The following LRMDA variants were observed in gnomAD, a reference collection of about 807,000 sequenced individuals.
The protein encoded by LRMDA is leucine-rich melanocyte differentiation-associated protein.
In LRMDA, 18 loss-of-function variants were observed where a neutral mutation model predicts 29.8. The observed-to-expected ratio is 0.60, with a 90% CI of 0.42 to 0.90. LRMDA has a LOEUF of 0.90. Among genes scored for constraint, LRMDA ranks in the 40% least tolerant of loss-of-function variants. The probability of loss-of-function intolerance (pLI) is 0.00; values close to 1 mark genes in which losing one functional copy is unlikely to be tolerated. For synonymous variants in LRMDA, 125 were observed against 109.4 expected (o/e 1.14, Z -0.89); for missense variants, 273 against 273.9 (o/e 1.00, Z 0.02).
chr10:75,807,382 C>A (rs1236358862), intron 2 of LRMDA, among the ~76,000 whole-genome samples: 1 of 152,202 alleles, frequency 6.6e-6, no homozygotes, highest in Non-Finnish European at 1.5e-5. Flanking sequence ...AGCGATGGGG[C>A]AGGATGGCTC....
chr10:75,673,819 T>A (rs1207002586), intron 2 of LRMDA, among the ~76,000 whole-genome samples: 2 of 152,218 alleles, frequency 1.3e-5, no homozygotes, highest in East Asian at 3.9e-4. Flanking sequence ...AGCCCTTCTT[T>A]ATAACTTCCC....
intron 6 of LRMDA, among the ~76,000 whole-genome samples, chr10:76,439,124 A>C (rs2132289902): frequency 6.6e-6 from 1 of 152,338 alleles, no homozygotes; most frequent in East Asian, 1.9e-4. Context: ...TATTTTACCT[A>C]AATTAAATTT....
intron 6 of LRMDA, among the ~76,000 whole-genome samples, chr10:76,448,235 CT>C (rs1564544477): frequency 6.6e-6 from 1 of 152,074 alleles, no homozygotes; most frequent in African/African-American, 2.4e-5. Flanking sequence ...ATATCCTTCT[CT>C]TTTATACCAG....
At chr10:75,616,234 T>TAGCAGCAGCAGC (rs1006575002) in intron 2 of LRMDA, among the ~76,000 whole-genome samples, 38 of 146,712 alleles carry the variant, frequency 2.6e-4, no homozygotes, top group African/African-American at 9.3e-4. Context: ...ACAGTAATAG[T>TAGCAGCAGCAGC]AGCAGTAGCA....
At chr10:75,759,569 T>A (rs911467756) in intron 2 of LRMDA, among the ~76,000 whole-genome samples, 1 of 152,204 alleles carries the variant, frequency 6.6e-6, no homozygotes. Flanking sequence ...TCTTGTAGGC[T>A]AAGAAGCCCA....
At chr10:75,646,841 A>AGT (rs1425697751) in intron 2 of LRMDA, among the ~76,000 whole-genome samples, 26 of 152,224 alleles carry the variant, frequency 1.7e-4, no homozygotes, top group Non-Finnish European at 3.5e-4. Flanking sequence ...TAACGAAGTA[A>AGT]TATACTGTTA....
chr10:75,586,366 TTTTA>T (rs1840655814), intron 2 of LRMDA, among the ~76,000 whole-genome samples: 1 of 140,906 alleles, frequency 7.1e-6, no homozygotes, highest in Non-Finnish European at 1.5e-5. Flanking sequence ...TTTTTTTTTT[TTTTA>T]AATTAGAGAC....
intron 6 of LRMDA, among the ~76,000 whole-genome samples, chr10:76,477,698 G>C (rs4746400): frequency 6.6e-6 from 1 of 151,842 alleles, no homozygotes; most frequent in Non-Finnish European, 1.5e-5. Flanking sequence ...TGGTACCAAA[G>C]CAGAGATATA....
chr10:75,812,396 A>G (rs912836980), intron 2 of LRMDA, among the ~76,000 whole-genome samples: 1 of 152,140 alleles, frequency 6.6e-6, no homozygotes, highest in African/African-American at 2.4e-5. Context: ...AGGGTGGTAC[A>G]TATTTACGAT....
In LRMDA at chr10:75,839,816, C is replaced by T. The variant is rs531502138; in HGVS notation, c.132-196192C>T. On this transcript the variant is annotated intron_variant, in intron 2 of 6. Transcript: ENST00000611255. ...CTCTTCCTCCCAGGTTCGCGCCATT[C>T]TTCTGCCTCAGCCTCCCGAGTAGCT... 9.6e-5 allele frequency among the ~76,000 whole-genome samples: 14 copies of T among 145,796 alleles called. No homozygotes were observed. The South Asian group carries it at 3.0e-3, about 32-fold the overall frequency.
chr10:76,134,426 T>C (rs1205768304), intron 5 of LRMDA, among the ~76,000 whole-genome samples: 2 of 152,206 alleles, frequency 1.3e-5, no homozygotes, highest in African/African-American at 4.8e-5. Flanking sequence ...GCCTTAGGAC[T>C]AAGACCCCTC....
intron 6 of LRMDA, among the ~76,000 whole-genome samples, chr10:76,505,352 G>C (rs1842948269): frequency 6.6e-6 from 1 of 152,036 alleles, no homozygotes; most frequent in Non-Finnish European, 1.5e-5. Context: ...ATGCCAGCCT[G>C]TCTAGCAAGA....
chr10:75,960,042 C>T (rs1040491665), intron 2 of LRMDA, among the ~76,000 whole-genome samples: 5 of 152,212 alleles, frequency 3.3e-5, no homozygotes, highest in African/African-American at 1.2e-4. Context: ...TTCCTACCCT[C>T]TGCTACTCTG....
intron 5 of LRMDA, among the ~76,000 whole-genome samples, chr10:76,095,870 G>A (rs184664923): frequency 1.3e-5 from 2 of 151,714 alleles, no homozygotes; most frequent in East Asian, 1.9e-4. Context: ...GTGGGTTGTC[G>A]GGAGGCGGAG....
intron 1 of LRMDA, among the ~76,000 whole-genome samples, chr10:75,433,638 A>G (rs1844231516): frequency 1.3e-5 from 2 of 152,296 alleles, no homozygotes; most frequent in African/African-American, 4.8e-5. Flanking sequence ...GGATGTGGGT[A>G]GCATGGAACA....
chr10:76,431,354 C>A (rs1017890125), intron 6 of LRMDA, among the ~76,000 whole-genome samples: 1 of 152,080 alleles, frequency 6.6e-6, no homozygotes, highest in African/African-American at 2.4e-5. Context: ...TTTGTGTGAG[C>A]CCTCCTACAG....
At position 76,047,249 on chromosome 10, in the gene LRMDA, G is replaced by C; in HGVS notation, c.344G>C (p.Cys115Ser). ...CTCAGTCTGCTGGGCAACGTGGCCT[G>C]TCCCAACGAGCTGGTCAGCTTGGAA... is the stretch of plus-strand genomic sequence containing the variant. ...EYLSLLGNVACPNELVSLEKD... is the reference protein window; with the variant it reads ...EYLSLLGNVASPNELVSLEKD... Residue 115 changes from cysteine (C) to serine (S), a missense_variant, in exon 4 of 7, where the codon TGT becomes TCT. Coordinates refer to ENST00000611255, the MANE Select transcript of LRMDA (RefSeq NM_001305581.2). 2 of 1,614,066 alleles carry C rather than the reference G, an allele frequency of 1.2e-6. No individual in the cohort carries two copies. The highest frequency in any genetic ancestry group is 1.7e-6 in the Non-Finnish European group (2 of 1,179,954).
chr10:76,163,893 T>C (rs767083889), intron 5 of LRMDA, among the ~76,000 whole-genome samples: 6 of 152,210 alleles, frequency 3.9e-5, no homozygotes, highest in Non-Finnish European at 8.8e-5. Context: ...CCAAAGTCAC[T>C]GGAATGCCAT....
intron 6 of LRMDA, among the ~76,000 whole-genome samples, chr10:76,426,144 T>C (rs972036760): frequency 5.9e-5 from 9 of 152,152 alleles, no homozygotes; most frequent in African/African-American, 2.4e-5. Context: ...GGTCAAATGG[T>C]ATTTCTAGTT....
Sources: allele counts gnomAD v4.1 joint callset (sites outside exome capture counted in the v4.1 genomes callset), GRCh38; gene constraint gnomAD v4.1.1; transcripts MANE v1.5; gene names NCBI Gene and HGNC (gene_info 2026-07-23, HGNC 2026-07-21).